The following RYR3 variants were observed in gnomAD, a reference collection of about 807,000 sequenced individuals.
RYR3 encodes brain ryanodine receptor-calcium release channel.
Under a neutral mutation model 584.3 loss-of-function variants are expected in RYR3, and 207 were observed. The observed-to-expected ratio is 0.35, with a 90% CI of 0.32 to 0.40. The LOEUF (loss-of-function observed/expected upper bound fraction) is 0.40, where lower values mean the gene tolerates loss of function less well. RYR3 is among the 10% of genes least tolerant of loss of function. RYR3 has a pLI of 1.00. For synonymous variants in RYR3, 2,416 were observed against 2,248.5 expected, an observed-to-expected ratio of 1.07 and a Z score of -2.11; for missense variants, 5,616 against 6,089.2, an observed-to-expected ratio of 0.92 and a Z score of 2.59.
chr15:33,385,586 A>G (rs2041533142), intron 1 of RYR3, among the ~76,000 whole-genome samples: 1 of 152,200 alleles, frequency 6.6e-6, no homozygotes, highest in Non-Finnish European at 1.5e-5. Context: ...GTAAAGCTAA[A>G]TACTCATCTT....
intron 16 of RYR3, among the ~76,000 whole-genome samples, chr15:33,598,552 C>T (rs1191698800): frequency 8.5e-6 from 1 of 117,994 alleles, no homozygotes; most frequent in African/African-American, 3.0e-5. Context: ...AAGGAATTTG[C>T]AAGACAGAAT....
chr15:33,853,658 C>T lies in RYR3; in HGVS notation c.13775C>T (p.Ala4592Val). ...TTTAGCCCAGTAGAAGAGACCAAAG[C>T]AGAAGCGGCTTCTCTGGTGTCATGG... Reference protein sequence around the residue: ...LDFSPVEETKAEAASLVSWLS... With the variant: ...LDFSPVEETKVEAASLVSWLS... The change falls in exon 96 of 104, where the codon GCA becomes GTA. Residue 4592 changes from alanine (A) to valine (V), a missense_variant. By Grantham distance (64) the Ala-to-Val change is moderately conservative. This residue lies in a region of RYR3 where 918 missense variants were observed against 887.4 expected (regional missense o/e 1.03). Transcript: ENST00000634891. 6.2e-7 allele frequency: 1 copy of T among 1,613,832 alleles called. No individual in the cohort carries two copies. Among genetic ancestry groups the T allele is most frequent in the Non-Finnish European group, 8.5e-7 (1 of 1,179,822 alleles).
At chr15:33,653,017 T>G in intron 32 of RYR3, 134 bp downstream of exon 32, 1 of 790,978 alleles carries the variant, frequency 1.3e-6, no homozygotes, top group Non-Finnish European at 1.9e-6. Flanking sequence ...ATGGGCCACT[T>G]AGGACAACAA....
chr15:33,756,925 C>T (rs2071894078), intron 59 of RYR3, among the ~76,000 whole-genome samples: 1 of 152,036 alleles, frequency 6.6e-6, no homozygotes, highest in Non-Finnish European at 1.5e-5. Context: ...TGAGCTTCAT[C>T]CAGCTGCAAG....
intron 17 of RYR3, 32 bp downstream of exon 17, chr15:33,601,584 G>A (rs750960020): frequency 1.9e-6 from 3 of 1,611,146 alleles, no homozygotes; most frequent in African/African-American, 2.7e-5. Context: ...CAAATGCCAA[G>A]CATAGTTCTG....
chr15:33,850,012 A>G (rs567089718), intron 94 of RYR3: 1 of 152,290 alleles, frequency 6.6e-6, no homozygotes, highest in Non-Finnish European at 1.5e-5. Context: ...TCCTTTGGTA[A>G]GCTTTGTGCA....
intron 2 of RYR3, among the ~76,000 whole-genome samples, chr15:33,488,332 T>C (rs1451047346): frequency 6.6e-6 from 1 of 152,220 alleles, no homozygotes; most frequent in Non-Finnish European, 1.5e-5. Flanking sequence ...TAGGCACCTC[T>C]GTCACGCTTA....
chr15:33,516,400 G>C (rs1171861484), intron 3 of RYR3, among the ~76,000 whole-genome samples: 1 of 151,100 alleles, frequency 6.6e-6, no homozygotes, highest in Non-Finnish European at 1.5e-5. Context: ...CTAGCGTGCA[G>C]TGGTGCAGTC....
chr15:33,345,655 G>C (rs1234597029), intron 1 of RYR3, among the ~76,000 whole-genome samples: 1 of 152,142 alleles, frequency 6.6e-6, no homozygotes, highest in Non-Finnish European at 1.5e-5. Flanking sequence ...TCCAGCCTGG[G>C]TCCCAGCAGA....
intron 1 of RYR3, among the ~76,000 whole-genome samples, chr15:33,323,261 G>A (rs530766039): frequency 1.5e-3 from 225 of 152,038 alleles, no homozygotes; most frequent in Admixed American, 3.7e-3. Flanking sequence ...ACAGGCACCC[G>A]CCACCATGCC....
chr15:33,548,016 C>A lies in RYR3; in HGVS notation c.741-114C>A, dbSNP rs987162885. On this transcript the variant is annotated intron_variant, in intron 8 of 103. Coordinates refer to ENST00000634891, the MANE Select transcript of RYR3 (RefSeq NM_001036.6). Reference sequence around the variant, plus strand: ...ATTCTGGCTTTGCATTCTGCTGACTCCAAAAGGGCTTAGACAAGCTCAGTA... The same window carrying A: ...ATTCTGGCTTTGCATTCTGCTGACTACAAAAGGGCTTAGACAAGCTCAGTA... 3 of 715,476 alleles carry A rather than the reference C, an allele frequency of 4.2e-6. No individual in the cohort carries two copies. The African/African-American group carries it at 5.4e-5, about 13-fold the overall frequency. The allele number at this position is 715,476 out of a possible 1,614,324, so 44.3% of individuals were successfully genotyped here. A position where few individuals can be genotyped will look rare whatever the true frequency, so the allele number is the denominator to read the frequency against.
intron 67 of RYR3, among the ~76,000 whole-genome samples, chr15:33,795,397 TTTTTTG>T (rs1257005562): frequency 4.6e-5 from 4 of 86,390 alleles, no homozygotes; most frequent in African/African-American, 1.4e-4. Context: ...TTTTTTTTTT[TTTTTTG>T]TGAGACAGAG....
intron 38 of RYR3, among the ~76,000 whole-genome samples, chr15:33,691,672 C>A (rs2065447321): frequency 6.6e-6 from 1 of 152,162 alleles, no homozygotes; most frequent in African/African-American, 2.4e-5. Flanking sequence ...TAATACATAG[C>A]AGAAGTGCTT....
rs1470399957 is a variant in RYR3 at position 33,861,172 on chromosome 15, A to C, written c.14459A>C (p.Asn4820Thr). ...ACATTACAAGAGCACAACTTAGCCA[A>C]CTACTTGTGAGTATTCTTGGTTAAC... The part of the protein sequence containing the change: ...THTLQEHNLA[N>T]YLFFLMYLIN... Residue 4820 changes from asparagine (N) to threonine (T), a missense_variant, in exon 102 of 104, where the codon AAC (asparagine) becomes ACC (threonine). Around this residue, in one of 9 missense-constraint regions of RYR3, gnomAD observed 918 missense variants for 887.4 expected, o/e 1.03. Transcript: ENST00000634891. 1.3e-6 allele frequency: 2 copies of C among 1,583,934 alleles called. No homozygotes were observed. Among genetic ancestry groups the C allele is most frequent in the African/African-American group, 2.7e-5 (2 of 74,638 alleles).
At position 33,800,871 on chromosome 15, in the gene RYR3, TG is replaced by T. The variant is rs1413380664; in HGVS notation, c.9918+17del. On this transcript the variant is annotated intron_variant, in intron 68 of 103. Transcript: ENST00000634891. ...TGTAAATCTCATGTAAGAACACATT[TG>T]GGCCCTGGGTTTAGAATGGTTGTGA... 2 of 1,577,530 alleles carry T rather than the reference TG, an allele frequency of 1.3e-6. No individual in the cohort carries two copies. Among genetic ancestry groups the T allele is most frequent in the South Asian group, 2.2e-5 (2 of 90,290 alleles).
At chr15:33,518,542 T>C (rs1303882222) in intron 3 of RYR3, among the ~76,000 whole-genome samples, 1 of 152,172 alleles carries the variant, frequency 6.6e-6, no homozygotes, top group Non-Finnish European at 1.5e-5. Flanking sequence ...CACAGTGTCT[T>C]GCAGCTCAAG....
Position 33,755,320 on chromosome 15 carries a change from A to G in RYR3, c.8515+140A>G, listed in dbSNP as rs1417158879. 3 of 646,950 alleles carry G rather than the reference A, an allele frequency of 4.6e-6. No homozygotes were observed. The African/African-American group carries it at 5.5e-5, about 12-fold the overall frequency. 40.1% of individuals were successfully genotyped at this position (646,950 alleles called of 1,614,324 possible). On this transcript the variant is annotated intron_variant, in intron 58 of 103. Coordinates refer to ENST00000634891, the MANE Select transcript of RYR3 (RefSeq NM_001036.6). ...CAGTGGCTGAAATTTTTTTCCCCCA[A>G]CTTAAAAAAAATCAATCCGGCCGGG...
At chr15:33,743,584 A>G (rs2070388977) in intron 52 of RYR3, among the ~76,000 whole-genome samples, 1 of 152,188 alleles carries the variant, frequency 6.6e-6, no homozygotes, top group Non-Finnish European at 1.5e-5. Flanking sequence ...CTCCTTGCTT[A>G]TGGCCGTTTG....
intron 14 of RYR3, among the ~76,000 whole-genome samples, chr15:33,582,938 C>T (rs539324945): frequency 6.6e-6 from 1 of 152,350 alleles, no homozygotes; most frequent in South Asian, 2.1e-4. Context: ...AATCAATTTA[C>T]ATGGACTTGT....
Sources: gnomAD v4.1 joint callset for allele counts (sites outside exome capture counted in the v4.1 genomes callset) on GRCh38, gnomAD v4.1.1 for gene constraint, gnomAD v4.1.1 regional missense constraint, MANE v1.5 for transcripts, NCBI Gene and HGNC (gene_info 2026-07-23, HGNC 2026-07-21) for gene names.